The following SETX variants were observed in gnomAD, a reference collection of about 807,000 sequenced individuals.
The protein encoded by SETX is senataxin.
In SETX, 90 loss-of-function variants were observed where a neutral mutation model predicts 227.2. The ratio of observed to expected loss-of-function variants is 0.40; its 90% confidence interval spans 0.33 to 0.47. SETX has a LOEUF of 0.47. Ranked by LOEUF, SETX falls within the 20% of genes least tolerant of loss-of-function variation. The pLI is 0.91. For missense variants in SETX, 3,052 were observed against 3,181.5 expected (o/e 0.96, Z 0.98); for synonymous variants, 1,210 against 1,113.2 (o/e 1.09, Z -1.73).
intron 2 of SETX, among the ~76,000 whole-genome samples, chr9:132,351,356 C>T (rs891092471): frequency 6.6e-6 from 1 of 152,194 alleles, no homozygotes; most frequent in African/African-American, 2.4e-5. Flanking sequence ...ACTTACCTTA[C>T]TTGAAGCTCC....
chr9:132,298,145 C>G lies in SETX; in HGVS notation c.5716G>C (p.Val1906Leu). The G allele has an allele frequency of 6.2e-7, 1 of 1,614,092 alleles. No individual in the cohort carries two copies. The highest frequency in any genetic ancestry group is 8.5e-7 in the Non-Finnish European group (1 of 1,180,000). Residue 1906 changes from valine to leucine, a missense_variant, in exon 13 of 26, where the codon GTT becomes CTT. Val to Leu is a conservative substitution (Grantham distance 32, BLOSUM62 1). Transcript: ENST00000224140. The part of the protein sequence containing the change: ...LGSRNQLARA[V>L]LNPNPMDFCT... ...AAGTCCATAGGGTTTGGATTCAGAA[C>G]AGCTCTAGCCAGTTGGTTCCGACTA... is the stretch of plus-strand genomic sequence containing the variant.
Position 132,330,302 on chromosome 9 carries a change from A to C in SETX, c.1296T>G (p.Val432=). The stretch of plus-strand genomic sequence containing the variant: ...TGACTTCAGAGTACAGATGATTAAC[A>C]ACCTGTGCTATGTAAGCCACACCCA... ...KDLGVAYIAQ[V]VNHLYSEVKE... is the part of the protein sequence containing the mutation. The change falls in exon 10 of 26, where the codon GTT becomes GTG. Residue 432 remains valine, a synonymous_variant. Coordinates refer to ENST00000224140, the MANE Select transcript of SETX (RefSeq NM_015046.7). 1 of 1,606,044 alleles carries C rather than the reference A, an allele frequency of 6.2e-7. No individual in the cohort carries two copies. The highest frequency in any genetic ancestry group is 1.1e-5 in the South Asian group (1 of 90,452).
intron 5 of SETX, among the ~76,000 whole-genome samples, chr9:132,337,138 T>C (rs1424201011): frequency 1.3e-5 from 2 of 151,980 alleles, no homozygotes. Flanking sequence ...TACTGAAATA[T>C]TTTGTGGATG....
In SETX at chr9:132,264,535, C is replaced by A; in HGVS notation, c.7738G>T (p.Val2580Phe). The change falls in exon 26 of 26, where the codon GTT (valine) becomes TTT (phenylalanine). Residue 2580 changes from valine to phenylalanine, a missense_variant. Around this residue, in one of 10 missense-constraint regions of SETX, gnomAD observed 294 missense variants for 278.8 expected, o/e 1.05. Coordinates refer to ENST00000224140, the MANE Select transcript of SETX (RefSeq NM_015046.7). ...TGTATATGGCTCAGGTCCTGGTGAA[C>A]GACAGGGAAGCCCGGCTCGCCCGTA... ...PPTGEPGFPV[V>F]HQDLSHIQQP... 6.2e-7 allele frequency: 1 copy of A among 1,613,984 alleles called. No individual in the cohort carries two copies. The highest frequency in any genetic ancestry group is 8.5e-7 in the Non-Finnish European group (1 of 1,179,976).
At position 132,354,960 on chromosome 9, in the gene SETX, G is replaced by T. The variant is rs967193254; in HGVS notation, c.-158C>A. ...GGCCTCTAGCCCACCTCCATACCGG[G>T]CCCCGCTCTAGGCCACCAGCGGAAG... On this transcript the variant is annotated 5_prime_UTR_variant, in exon 1 of 26. Coordinates refer to ENST00000224140, the MANE Select transcript of SETX (RefSeq NM_015046.7). 1.3e-5 allele frequency: 2 copies of T among 152,240 alleles called. No individual in the cohort carries two copies. The highest frequency in any genetic ancestry group is 2.4e-5 in the African/African-American group (1 of 41,452). The allele number at this position is 152,240 out of a possible 1,614,324, so 9.4% of individuals were successfully genotyped here. A position where few individuals can be genotyped will look rare whatever the true frequency, so the allele number is the denominator to read the frequency against.
chr9:132,349,661 A>G (rs1265394773), intron 2 of SETX, among the ~76,000 whole-genome samples: 2 of 152,268 alleles, frequency 1.3e-5, no homozygotes, highest in African/African-American at 2.4e-5. Flanking sequence ...TGTATAAGGA[A>G]TAAGTATCAT....
intron 11 of SETX, among the ~76,000 whole-genome samples, chr9:132,307,657 C>G (rs1249882075): frequency 6.6e-6 from 1 of 151,778 alleles, no homozygotes; most frequent in African/African-American, 2.4e-5. Context: ...GCTTACCAGT[C>G]ACCACTGGCA....
chr9:132,346,505 G>A, intron 3 of SETX, 34 bp from the exon 4 acceptor site: 1 of 1,452,924 alleles, frequency 6.9e-7, no homozygotes, highest in Non-Finnish European at 9.6e-7. Context: ...TGTGCGTTAT[G>A]TCTTATCATC....
rs971378001 is a variant in SETX at position 132,334,819 on chromosome 9, T to G, written c.719-92A>C. On this transcript the variant is annotated intron_variant, in intron 6 of 25. Transcript: ENST00000224140. The stretch of plus-strand genomic sequence containing the variant: ...GCAAAAGAATAACAAGGCAGGAAGA[T>G]GAAGCAAGATAGTATTTAGTTTCTC... 1.4e-4 allele frequency: 190 copies of G among 1,359,140 alleles called. 1 individual carries two copies. The highest frequency in any genetic ancestry group is 1.4e-3 in the African/African-American group (98 of 70,160). 84.2% of individuals were successfully genotyped at this position (1,359,140 alleles called of 1,614,324 possible).
chr9:132,316,316 G>T (rs910359686), intron 10 of SETX, among the ~76,000 whole-genome samples: 3 of 151,982 alleles, frequency 2.0e-5, no homozygotes, highest in African/African-American at 7.2e-5. Context: ...TTTTGCTGTC[G>T]ATTTACAAAA....
intron 17 of SETX, among the ~76,000 whole-genome samples, chr9:132,287,234 T>TG (rs1214581786): frequency 6.6e-6 from 1 of 152,134 alleles, no homozygotes; most frequent in African/African-American, 2.4e-5. Flanking sequence ...CCTGTAATCC[T>TG]GGCACTTTGG....
intron 3 of SETX, among the ~76,000 whole-genome samples, chr9:132,348,070 A>C (rs1036773246): frequency 1.3e-5 from 2 of 151,758 alleles, no homozygotes; most frequent in Non-Finnish European, 2.9e-5. Context: ...TAAAAAAAAA[A>C]AACCCTGGCC....
In SETX at chr9:132,275,096, C is replaced by T. The variant is rs567649683; in HGVS notation, c.7100+160G>A. 181 of 722,324 alleles carry T rather than the reference C, an allele frequency of 2.5e-4. 1 individual carries two copies. The South Asian group carries it at 2.8e-3, about 11-fold the overall frequency. 44.7% of individuals were successfully genotyped at this position (722,324 alleles called of 1,614,324 possible). ...GTAACCTGTCTACCCAGGAGCCACA[C>T]AGCACAAGTCTATGAAAGCCAGCAG... On this transcript the variant is annotated intron_variant, in intron 23 of 25. Coordinates refer to ENST00000224140, the MANE Select transcript of SETX (RefSeq NM_015046.7).
chr9:132,283,248 C>G lies in SETX; in HGVS notation c.6546+16G>C, dbSNP rs1281610925. ...CATAGTAGTAGTCAAAGTTGTATGG[C>G]TGACCGTTCACTGACCTCATCAACA... On this transcript the variant is annotated intron_variant, in intron 19 of 25. Transcript: ENST00000224140. The G allele has an allele frequency of 6.2e-7, 1 of 1,613,946 alleles. No individual in the cohort carries two copies. The highest frequency in any genetic ancestry group is 2.2e-5 in the East Asian group (1 of 44,880).
Position 132,326,692 on chromosome 9 carries a change from T to C in SETX, c.4906A>G (p.Lys1636Glu), listed in dbSNP as rs368931174. 3.6e-5 allele frequency: 58 copies of C among 1,609,522 alleles called. No homozygotes were observed. The highest frequency in any genetic ancestry group is 4.7e-5 in the Non-Finnish European group (55 of 1,176,428). ...NKSKGIQSIL[K>E]VPQPVPLIAQ... ...ATGAGGGGAACTGGCTGTGGTACTTTCAAAATCGACTGTATCCCCTTTGAC... is the reference window on the plus strand; with the variant it reads ...ATGAGGGGAACTGGCTGTGGTACTTCCAAAATCGACTGTATCCCCTTTGAC... Residue 1636 changes from lysine to glutamate, a missense_variant, in exon 10 of 26, where the codon AAA becomes GAA. Around this residue, in one of 10 missense-constraint regions of SETX, gnomAD observed 1,483 missense variants for 1,312.0 expected, o/e 1.13. Coordinates refer to ENST00000224140, the MANE Select transcript of SETX (RefSeq NM_015046.7).
intron 15 of SETX, among the ~76,000 whole-genome samples, chr9:132,294,096 T>TG (rs1270013709): frequency 6.6e-6 from 1 of 152,010 alleles, no homozygotes; most frequent in East Asian, 1.9e-4. Context: ...CTGGCCCGGC[T>TG]GTGCAGTCAA....
At chr9:132,354,422 G>C (rs1020391943) in intron 1 of SETX, among the ~76,000 whole-genome samples, 3 of 149,588 alleles carry the variant, frequency 2.0e-5, no homozygotes, top group African/African-American at 7.4e-5. Flanking sequence ...CTGGAGCCCA[G>C]GAAGACGAGG....
At chr9:132,296,822 G>A in intron 14 of SETX, 65 bp downstream of exon 14, 2 of 1,426,510 alleles carry the variant, frequency 1.4e-6, no homozygotes, top group Non-Finnish European at 2.0e-6. Context: ...TTACATGTCA[G>A]TTAACTCAAG....
In SETX at chr9:132,330,131, G is replaced by A. The variant is rs142093830; in HGVS notation, c.1467C>T (p.Val489=). The change falls in exon 10 of 26, where the codon GTC becomes GTT. Residue 489 remains valine, a synonymous_variant. Coordinates refer to ENST00000224140, the MANE Select transcript of SETX (RefSeq NM_015046.7). ...TGGTAGGAAGCTTGGCACATTTGAC[G>A]ACGGCTTCCACCCATTGCTGGGAAC... The part of the protein sequence containing the change: ...WVSSQQWVEA[V]VKCAKLPTTA... 3.0e-5 allele frequency: 48 copies of A among 1,612,546 alleles called. No individual in the cohort carries two copies. The highest frequency in any genetic ancestry group is 3.8e-5 in the Non-Finnish European group (45 of 1,178,816).
Sources: gnomAD v4.1 joint callset for allele counts (sites outside exome capture counted in the v4.1 genomes callset) on GRCh38, gnomAD v4.1.1 for gene constraint, gnomAD v4.1.1 regional missense constraint, MANE v1.5 for transcripts, NCBI Gene and HGNC (gene_info 2026-07-23, HGNC 2026-07-21) for gene names.